The following ULK2 variants were observed in gnomAD, a reference collection of about 807,000 sequenced individuals.
The protein encoded by ULK2 is serine/threonine-protein kinase ULK2.
A neutral mutation model predicts 127.5 loss-of-function variants in ULK2; 76 were observed. The ratio of observed to expected loss-of-function variants is 0.60; its 90% CI spans 0.50 to 0.72. The LOEUF (loss-of-function observed/expected upper bound fraction) is 0.72, where lower values mean the gene tolerates loss of function less well. ULK2 is among the 30% of genes least tolerant of loss of function. The pLI is 0.00. For synonymous variants in ULK2, 452 were observed against 461.9 expected (o/e 0.98, Z 0.28); for missense variants, 1,144 against 1,295.9 (o/e 0.88, Z 1.80).
At chr17:19,814,439 T>TATATATATATATATATACACATATATA (rs1491246393) in intron 13 of ULK2, among the ~76,000 whole-genome samples, 2 of 9,990 alleles carry the variant, frequency 2.0e-4, no homozygotes, top group African/African-American at 4.2e-4. Flanking sequence ...TATATATATA[T>TATATATATATATATATACACATATATA]TTTTTTTTTT....
chr17:19,865,824 G>A lies in ULK2; in HGVS notation c.95C>T (p.Thr32Ile), dbSNP rs1431376449. The A allele has an allele frequency of 2.6e-6, 4 of 1,550,532 alleles. No individual in the cohort carries two copies. The highest frequency in any genetic ancestry group is 2.6e-6 in the Non-Finnish European group (3 of 1,134,576). The change falls in exon 2 of 27, where the codon ACT becomes ATT. Residue 32 changes from threonine (T) to isoleucine (I), a missense_variant. Coordinates refer to ENST00000395544, the MANE Select transcript of ULK2 (RefSeq NM_014683.4). ...ACTTTTAATAGCTACCTCCCAATCA[G>A]TTTTCTGAAAAGGAAAAACAGTGTT... is the stretch of plus-strand genomic sequence containing the variant. Reference protein sequence around the residue: ...VVFRGRHRQKTDWEVAIKSIN... With the variant: ...VVFRGRHRQKIDWEVAIKSIN...
intron 3 of ULK2, among the ~76,000 whole-genome samples, chr17:19,863,271 G>A (rs1005842840): frequency 3.3e-5 from 5 of 151,658 alleles, no homozygotes; most frequent in African/African-American, 1.2e-4. Flanking sequence ...GAATACAGAA[G>A]AGGTTTTAGC....
chr17:19,780,520 G>C lies in ULK2; in HGVS notation c.2868C>G (p.Ile956Met). ...FSDKQRFIDE[I>M]NSVTAEKLIY... is the part of the protein sequence containing the mutation. ...TGAGTTTCTCTGCAGTCACACTGTT[G>C]ATTTCATCAATAAACCTCTGTTTGT... Residue 956 changes from isoleucine to methionine, a missense_variant, in exon 25 of 27, where the codon ATC becomes ATG. Around this residue, in one of 2 missense-constraint regions of ULK2, gnomAD observed 913 missense variants for 970.5 expected, o/e 0.94. Coordinates refer to ENST00000395544, the MANE Select transcript of ULK2 (RefSeq NM_014683.4). 1 of 1,613,672 alleles carries C rather than the reference G, an allele frequency of 6.2e-7. No individual in the cohort carries two copies. The highest frequency in any genetic ancestry group is 1.1e-5 in the South Asian group (1 of 90,948).
At chr17:19,824,595 G>A (rs35013894) in intron 12 of ULK2, among the ~76,000 whole-genome samples, 3 of 152,036 alleles carry the variant, frequency 2.0e-5, no homozygotes, top group South Asian at 2.1e-4. Context: ...GGAGCTTCAG[G>A]GAAAGGAAGA....
intron 13 of ULK2, among the ~76,000 whole-genome samples, chr17:19,813,242 GAC>G (rs2040888352): frequency 6.6e-6 from 1 of 152,082 alleles, no homozygotes; most frequent in African/African-American, 2.4e-5. Flanking sequence ...CTGTCAATGA[GAC>G]ACTCCCACAT....
chr17:19,782,746 T>C (rs959094305), intron 22 of ULK2, among the ~76,000 whole-genome samples: 1 of 152,054 alleles, frequency 6.6e-6, no homozygotes, highest in African/African-American at 2.4e-5. Flanking sequence ...CGAAATCCCG[T>C]CTCTACTAAA....
intron 5 of ULK2, among the ~76,000 whole-genome samples, chr17:19,847,731 T>C (rs1206064885): frequency 1.3e-5 from 2 of 152,178 alleles, no homozygotes; most frequent in African/African-American, 2.4e-5. Flanking sequence ...TCTATTTTTG[T>C]AGAGACAGGG....
At chr17:19,788,541 C>T (rs1334481260) in intron 20 of ULK2, among the ~76,000 whole-genome samples, 3 of 151,838 alleles carry the variant, frequency 2.0e-5, no homozygotes, top group Admixed American at 6.6e-5. Flanking sequence ...GAAGAGTCCT[C>T]GGGCCCTGAA....
intron 13 of ULK2, among the ~76,000 whole-genome samples, chr17:19,814,440 T>G (rs28370435): frequency 5.7e-4 from 4 of 7,076 alleles, no homozygotes; most frequent in African/African-American, 1.5e-3. Flanking sequence ...ATATATATAT[T>G]TTTTTTTTTT....
chr17:19,779,531 C>CAAAAAAAAAAAAAAAA (rs55957234), intron 25 of ULK2, among the ~76,000 whole-genome samples: 3 of 67,998 alleles, frequency 4.4e-5, no homozygotes, highest in Non-Finnish European at 5.5e-5. Flanking sequence ...AACTCCATCT[C>CAAAAAAAAAAAAAAAA]AAAAAAAAAA....
In ULK2 at chr17:19,827,342, A is replaced by C. The variant is rs2041320442; in HGVS notation, c.788-1156T>G. Among the ~76,000 whole-genome samples, 3 of 152,282 alleles carry C rather than the reference A, an allele frequency of 2.0e-5. No individual in the cohort carries two copies. In the East Asian group the frequency reaches 5.8e-4, roughly 29 times the overall value. ...CCATGTTTCTTGTCCAATGTCAAAGAGTTAGTAAGGTGAGGGACTAGAATT... is the reference window on the plus strand; with the variant it reads ...CCATGTTTCTTGTCCAATGTCAAAGCGTTAGTAAGGTGAGGGACTAGAATT... On this transcript the variant is annotated intron_variant, in intron 10 of 26. Transcript: ENST00000395544.
intron 12 of ULK2, among the ~76,000 whole-genome samples, chr17:19,818,957 T>C (rs1333280400): frequency 1.3e-5 from 2 of 152,104 alleles, no homozygotes. Flanking sequence ...TCTGCCACCA[T>C]GCCTGGCTAA....
chr17:19,789,185 G>A (rs1439310383), intron 20 of ULK2, among the ~76,000 whole-genome samples: 1 of 152,220 alleles, frequency 6.6e-6, no homozygotes, highest in Non-Finnish European at 1.5e-5. Context: ...CAGTGGTGGT[G>A]GCCACAGGGG....
chr17:19,782,170 T>C (rs979638773), intron 22 of ULK2, 103 bp from the exon 23 acceptor site: 5 of 1,186,046 alleles, frequency 4.2e-6, no homozygotes, highest in Non-Finnish European at 5.8e-6. Context: ...TCTATACTTA[T>C]GAGTATCAGA....
At position 19,797,591 on chromosome 17, in the gene ULK2, G is replaced by A. The variant is rs765872120; in HGVS notation, c.1614C>T (p.Asn538=). ...SAPTLTDIYQ[N]KQKLRKQHSD... ...AGTGCTGTTTTCTGAGCTTCTGCTT[G>A]TTCTGATAGATGTCAGTGAGGGTGG... Residue 538 remains asparagine, a synonymous_variant, in exon 18 of 27, where the codon AAC becomes AAT. Coordinates refer to ENST00000395544, the MANE Select transcript of ULK2 (RefSeq NM_014683.4). 29 of 1,613,714 alleles carry A rather than the reference G, an allele frequency of 1.8e-5. No individual in the cohort carries two copies. Among genetic ancestry groups the A allele is most frequent in the Non-Finnish European group, 2.2e-5 (26 of 1,179,994 alleles).
intron 21 of ULK2, among the ~76,000 whole-genome samples, chr17:19,785,084 T>TAA (rs1166443084): frequency 2.6e-5 from 4 of 152,112 alleles, no homozygotes; most frequent in Non-Finnish European, 5.9e-5. Flanking sequence ...TCTAAATACT[T>TAA]TCTTAAGTTT....
At position 19,801,884 on chromosome 17, in the gene ULK2, C is replaced by T. The variant is rs751431852; in HGVS notation, c.1334G>A (p.Gly445Asp). The T allele has an allele frequency of 3.0e-5, 49 of 1,613,668 alleles. No individual in the cohort carries two copies. Among genetic ancestry groups the T allele is most frequent in the Non-Finnish European group, 4.1e-5 (48 of 1,179,950 alleles). Reference sequence around the variant, plus strand: ...GGAGCATGATCCCGGCCGGAGGAAGCCCATGGGGCTGGTGTTGGACCTTCG... The same window carrying T: ...GGAGCATGATCCCGGCCGGAGGAAGTCCATGGGGCTGGTGTTGGACCTTCG... ...VVRRSNTSPM[G>D]FLRPGSCSPV... The change falls in exon 16 of 27, where the codon GGC (glycine) becomes GAC (aspartate). Residue 445 changes from glycine to aspartate, a missense_variant. By Grantham distance (94) the Gly-to-Asp change is moderately conservative. Coordinates refer to ENST00000395544, the MANE Select transcript of ULK2 (RefSeq NM_014683.4).
At chr17:19,865,963 A>G in intron 1 of ULK2, 135 bp from the exon 2 acceptor site, 1 of 590,036 alleles carries the variant, frequency 1.7e-6, no homozygotes, top group Non-Finnish European at 3.0e-6. Context: ...CAATAATTGG[A>G]AAGTGATTTC....
chr17:19,858,606 G>C (rs1434704550), intron 3 of ULK2, among the ~76,000 whole-genome samples: 1 of 151,942 alleles, frequency 6.6e-6, no homozygotes, highest in African/African-American at 2.4e-5. Flanking sequence ...ACAGCAATGG[G>C]AACGTCACAG....
Sources: allele counts gnomAD v4.1 joint callset (sites outside exome capture counted in the v4.1 genomes callset), GRCh38; gene constraint gnomAD v4.1.1; regional missense constraint gnomAD v4.1.1; transcripts MANE v1.5; gene names NCBI Gene and HGNC (gene_info 2026-07-23, HGNC 2026-07-21).